Variants in BRD4 observed in about 807,000 individuals in gnomAD.
The protein encoded by BRD4 is bromodomain-containing protein 4.
BRD4 carries 16 observed loss-of-function variants against 142.1 expected under a neutral mutation model. The ratio of observed to expected loss-of-function variants is 0.11; its 90% CI spans 0.08 to 0.17. The LOEUF (loss-of-function observed/expected upper bound fraction) is 0.17. Ranked by LOEUF, BRD4 falls within the 10% of genes least tolerant of loss-of-function variation. The pLI, the probability that BRD4 is intolerant of heterozygous loss-of-function variation, is 1.00. For missense variants in BRD4, 1,424 were observed against 1,810.9 expected (o/e 0.79, Z 3.88); for synonymous variants, 833 against 707.5 (o/e 1.18, Z -2.82).
At chr19:15,323,378 G>T (rs1223384724) in intron 1 of BRD4, among the ~76,000 whole-genome samples, 1 of 151,990 alleles carries the variant, frequency 6.6e-6, no homozygotes, top group Admixed American at 6.6e-5. Context: ...GCCCAGACTG[G>T]CATCCACCAC....
At chr19:15,251,295 A>C (rs1356953858) in intron 11 of BRD4, among the ~76,000 whole-genome samples, 1 of 152,114 alleles carries the variant, frequency 6.6e-6, no homozygotes, top group Non-Finnish European at 1.5e-5. Context: ...CACACCCCCC[A>C]GCCTCAATCT....
intron 8 of BRD4, among the ~76,000 whole-genome samples, chr19:15,256,739 C>T (rs1482204096): frequency 6.6e-6 from 1 of 152,128 alleles, no homozygotes; most frequent in Non-Finnish European, 1.5e-5. Context: ...CAGAAAATGG[C>T]CATGTCCCTC....
intron 1 of BRD4, among the ~76,000 whole-genome samples, chr19:15,302,123 C>T (rs957711590): frequency 2.0e-5 from 3 of 151,432 alleles, no homozygotes; most frequent in African/African-American, 4.9e-5. Flanking sequence ...GCCAAGATTA[C>T]GCCACTGCCC....
Position 15,281,860 on chromosome 19 carries a change from T to C in BRD4, c.-34-8727A>G, listed in dbSNP as rs571801059. Among the ~76,000 whole-genome samples, 3 of 152,070 alleles carry C rather than the reference T, an allele frequency of 2.0e-5. No homozygotes were observed. In the South Asian group the frequency reaches 6.2e-4, roughly 32 times the overall value. On this transcript the variant is annotated intron_variant, in intron 1 of 19. Coordinates refer to ENST00000679869, the MANE Select transcript of BRD4 (RefSeq NM_001379291.1). ...CAGTGAAACCCTATCTCTACTAATA[T>C]ACAAAAAATTAGCCAGGCATGGCGG... is the stretch of plus-strand genomic sequence containing the variant.
At chr19:15,254,047 G>A (rs951254916) in intron 11 of BRD4, 105 bp downstream of exon 11, 5 of 950,880 alleles carry the variant, frequency 5.3e-6, no homozygotes, top group East Asian at 2.5e-5. Flanking sequence ...AGCAAGTTCT[G>A]GGAGTGCCGT....
chr19:15,255,701 C>A (rs1290714796), intron 9 of BRD4, 109 bp from the exon 10 acceptor site: 3 of 1,357,578 alleles, frequency 2.2e-6, no homozygotes, highest in Non-Finnish European at 2.0e-6. Flanking sequence ...CCATACCCCC[C>A]ACCCACCAGC....
chr19:15,306,270 A>G (rs189909920), intron 1 of BRD4, among the ~76,000 whole-genome samples: 1 of 152,246 alleles, frequency 6.6e-6, no homozygotes, highest in East Asian at 1.9e-4. Flanking sequence ...AAAATATGTT[A>G]TTGGCCTTTT....
intron 11 of BRD4, chr19:15,249,232 A>G: frequency 6.2e-7 from 1 of 1,613,956 alleles, no homozygotes; most frequent in Non-Finnish European, 8.5e-7. Flanking sequence ...CTTGCTGGGA[A>G]GGAATCTGGA....
intron 11 of BRD4, 168 bp downstream of exon 11, chr19:15,253,984 A>C (rs2047378294): frequency 1.4e-6 from 1 of 705,524 alleles, no homozygotes; most frequent in Non-Finnish European, 2.4e-6. Flanking sequence ...GTGCAGGGCT[A>C]TTCATGGCCC....
intron 1 of BRD4, among the ~76,000 whole-genome samples, chr19:15,317,849 C>T (rs942566413): frequency 6.6e-6 from 1 of 152,220 alleles, no homozygotes; most frequent in African/African-American, 2.4e-5. Flanking sequence ...TTACAGATAG[C>T]TGAGCTATTA....
Position 15,238,594 on chromosome 19 carries a change from C to A in BRD4, c.4020+149G>T. On this transcript the variant is annotated intron_variant, in intron 19 of 19. Coordinates refer to ENST00000679869, the MANE Select transcript of BRD4 (RefSeq NM_001379291.1). This position sits in a 1 kb window ranked among gnomAD's most constrained non-coding sequence, Gnocchi z 7.2. ...CACCCCGTCCACACAGCACTCAGGG[C>A]CCTACAGCTGAGTCCAGAGGACCAC... 6.7e-7 allele frequency: 1 copy of A among 1,484,598 alleles called. No individual in the cohort carries two copies. 92.0% of individuals were successfully genotyped at this position (1,484,598 alleles called of 1,614,324 possible).
At position 15,244,747 on chromosome 19, in the gene BRD4, G is replaced by A. The variant is rs2047270740; in HGVS notation, c.2174C>T (p.Ser725Leu). Residue 725 changes from serine (S) to leucine (L), a missense_variant, in exon 12 of 20, where the codon TCA (serine) becomes TTA (leucine). Coordinates refer to ENST00000679869, the MANE Select transcript of BRD4 (RefSeq NM_001379291.1). ...EDSETEMAPK[S>L]KKKGHPGREQ... Reference sequence around the variant, plus strand: ...CCTCCCGGGGTGCCCCTTCTTTTTTGACTTCGGAGCCATCTCTGCAGAGGA... The same window carrying A: ...CCTCCCGGGGTGCCCCTTCTTTTTTAACTTCGGAGCCATCTCTGCAGAGGA... 1 of 1,613,954 alleles carries A rather than the reference G, an allele frequency of 6.2e-7. No homozygotes were observed. The highest frequency in any genetic ancestry group is 8.5e-7 in the Non-Finnish European group (1 of 1,180,008).
chr19:15,268,817 C>T, intron 3 of BRD4, 88 bp downstream of exon 3: 2 of 1,494,934 alleles, frequency 1.3e-6, no homozygotes, highest in East Asian at 4.5e-5. Context: ...CACCCAACAC[C>T]CCTGCCCACG....
chr19:15,257,412 CG>C (rs1282313033), intron 7 of BRD4: 2 of 548,890 alleles, frequency 3.6e-6, no homozygotes, highest in East Asian at 6.1e-5. Flanking sequence ...CCAGAGATAG[CG>C]GGGCACTCAC....
intron 1 of BRD4, among the ~76,000 whole-genome samples, chr19:15,321,222 A>G (rs1415667607): frequency 1.3e-5 from 2 of 151,902 alleles, no homozygotes; most frequent in African/African-American, 2.4e-5. Flanking sequence ...AGACTCCATC[A>G]AGAAAGAATG....
chr19:15,328,340 CAT>C (rs1172410362), intron 1 of BRD4, among the ~76,000 whole-genome samples: 1 of 152,108 alleles, frequency 6.6e-6, no homozygotes, highest in African/African-American at 2.4e-5. Context: ...AAATGCTACC[CAT>C]ATGTGTTTAT....
intron 7 of BRD4, among the ~76,000 whole-genome samples, chr19:15,259,054 AGAGT>A (rs1488766839): frequency 1.3e-5 from 2 of 152,084 alleles, no homozygotes; most frequent in African/African-American, 2.4e-5. Context: ...CCCCAGTGAG[AGAGT>A]AAGACAGATC....
chr19:15,280,588 G>A (rs923375029), intron 1 of BRD4: 2 of 342,436 alleles, frequency 5.8e-6, no homozygotes, highest in Non-Finnish European at 8.4e-6. Context: ...GTGGGGGCAA[G>A]GGGAAGGGAC....
At chr19:15,262,536 A>G (rs999790400) in intron 7 of BRD4, among the ~76,000 whole-genome samples, 7 of 141,524 alleles carry the variant, frequency 4.9e-5, no homozygotes, top group South Asian at 2.2e-4. Flanking sequence ...AAAAAAAAAA[A>G]AAAAAAGAAA....
Sources: allele counts gnomAD v4.1 joint callset (sites outside exome capture counted in the v4.1 genomes callset), GRCh38; gene constraint gnomAD v4.1.1; non-coding constraint Gnocchi (gnomAD v3.1); transcripts MANE v1.5; gene names NCBI Gene and HGNC (gene_info 2026-07-23, HGNC 2026-07-21).